PLXNA4: variants seen among roughly 807,000 people sequenced by gnomAD.
PLXNA4 encodes the protein plexin-A4.
A neutral mutation model predicts 191.8 loss-of-function variants in PLXNA4; 44 were observed. The observed-to-expected ratio is 0.23, with a 90% CI of 0.18 to 0.29. The LOEUF (loss-of-function observed/expected upper bound fraction) is 0.29, where lower values mean the gene tolerates loss of function less well. Ranked by LOEUF, PLXNA4 falls within the 10% of genes least tolerant of loss-of-function variation. PLXNA4 has a pLI of 1.00. For missense variants in PLXNA4, 1,800 were observed against 2,488.8 expected, an observed-to-expected ratio of 0.72 and a Z score of 5.89; for synonymous variants, 1,082 against 1,009.5, an observed-to-expected ratio of 1.07 and a Z score of -1.36.
At chr7:132,629,107 C>A (rs749478746) in intron 2 of PLXNA4, among the ~76,000 whole-genome samples, 4 of 152,108 alleles carry the variant, frequency 2.6e-5, no homozygotes, top group Non-Finnish European at 5.9e-5. Context: ...AGTGGTAATA[C>A]CTTTAGATCT....
At chr7:132,449,413 G>C (rs1372651294) in intron 3 of PLXNA4, among the ~76,000 whole-genome samples, 9 of 152,210 alleles carry the variant, frequency 5.9e-5, no homozygotes, top group African/African-American at 2.2e-4. Flanking sequence ...TCCACATTCA[G>C]AAGTGGACTC....
intron 3 of PLXNA4, among the ~76,000 whole-genome samples, chr7:132,444,159 C>T (rs569616045): frequency 2.0e-5 from 3 of 152,386 alleles, no homozygotes; most frequent in African/African-American, 2.4e-5. Context: ...TCCACACTTA[C>T]TCCTGTCCTT....
intron 3 of PLXNA4, among the ~76,000 whole-genome samples, chr7:132,447,625 A>G (rs1795958732): frequency 6.6e-6 from 1 of 152,168 alleles, no homozygotes; most frequent in African/African-American, 2.4e-5. Context: ...TAATCCCCAG[A>G]GGTCATCTAA....
At chr7:132,293,554 C>A (rs1226130278) in intron 4 of PLXNA4, among the ~76,000 whole-genome samples, 2 of 152,164 alleles carry the variant, frequency 1.3e-5, no homozygotes, top group Non-Finnish European at 2.9e-5. Flanking sequence ...ACAGCCAAAC[C>A]ATATCACCTG....
At chr7:132,528,576 T>A (rs145513442) in intron 1 of PLXNA4, among the ~76,000 whole-genome samples, 1 of 152,210 alleles carries the variant, frequency 6.6e-6, no homozygotes, top group East Asian at 1.9e-4. Context: ...TGAATGGGAC[T>A]GAATGAGAAG....
chr7:132,243,635 A>C (rs528031118), intron 4 of PLXNA4, among the ~76,000 whole-genome samples: 2 of 152,276 alleles, frequency 1.3e-5, no homozygotes, highest in East Asian at 3.9e-4. Context: ...CTAGGTTCAA[A>C]TTCTGGCTTA....
chr7:132,251,788 C>A (rs898253193), intron 4 of PLXNA4, among the ~76,000 whole-genome samples: 2 of 152,180 alleles, frequency 1.3e-5, no homozygotes, highest in African/African-American at 4.8e-5. Flanking sequence ...TTCTGGACCA[C>A]AGGAGACTGT....
intron 4 of PLXNA4, among the ~76,000 whole-genome samples, chr7:132,246,031 T>G (rs532102903): frequency 2.6e-5 from 4 of 152,350 alleles, no homozygotes; most frequent in Non-Finnish European, 5.9e-5. Flanking sequence ...TGCACCACAA[T>G]GTGAGTGTAC....
At chr7:132,305,462 G>A in intron 3 of PLXNA4, among the ~76,000 whole-genome samples, 1 of 151,510 alleles carries the variant, frequency 6.6e-6, no homozygotes, top group Non-Finnish European at 1.5e-5. Flanking sequence ...CCTGGCCCGG[G>A]ATCTTCCAAG....
At chr7:132,464,448 C>A (rs1258933504) in intron 3 of PLXNA4, among the ~76,000 whole-genome samples, 1 of 152,162 alleles carries the variant, frequency 6.6e-6, no homozygotes, top group Non-Finnish European at 1.5e-5. Context: ...GTTTTGTGAC[C>A]TTGCCTGAGT....
chr7:132,185,073 CTTG>C (rs1429516771), intron 16 of PLXNA4, among the ~76,000 whole-genome samples: 2 of 152,176 alleles, frequency 1.3e-5, no homozygotes, highest in African/African-American at 4.8e-5. Context: ...AAGGTGGGTT[CTTG>C]TTGTTAGGAG....
intron 2 of PLXNA4, among the ~76,000 whole-genome samples, chr7:132,620,599 T>C (rs755549008): frequency 3.9e-5 from 6 of 152,190 alleles, no homozygotes; most frequent in Non-Finnish European, 7.3e-5. Context: ...TTCCAGACTC[T>C]TCCCTGTGCT....
At chr7:132,366,911 G>T (rs927542295) in intron 3 of PLXNA4, among the ~76,000 whole-genome samples, 4 of 152,120 alleles carry the variant, frequency 2.6e-5, no homozygotes, top group Non-Finnish European at 5.9e-5. Flanking sequence ...ACAGACACTT[G>T]CCACCATCCC....
chr7:132,424,153 C>T (rs1794950612), intron 3 of PLXNA4, among the ~76,000 whole-genome samples: 1 of 152,144 alleles, frequency 6.6e-6, no homozygotes, highest in African/African-American at 2.4e-5. Flanking sequence ...CAGTGACTCC[C>T]CAGCCCCAGG....
intron 23 of PLXNA4, among the ~76,000 whole-genome samples, 187 bp from the exon 24 acceptor site, chr7:132,164,475 T>G (rs1796041280): frequency 6.6e-6 from 1 of 152,210 alleles, no homozygotes; most frequent in Non-Finnish European, 1.5e-5. Flanking sequence ...GCATTCCTCC[T>G]GGCTCTTTGG....
At chr7:132,239,041 A>G (rs1046725896) in intron 5 of PLXNA4, among the ~76,000 whole-genome samples, 13 of 152,322 alleles carry the variant, frequency 8.5e-5, no homozygotes, top group African/African-American at 3.1e-4. Context: ...GCAGGCGCCC[A>G]AAATTCATGT....
At chr7:132,440,648 G>C (rs1795663292) in intron 3 of PLXNA4, among the ~76,000 whole-genome samples, 1 of 151,928 alleles carries the variant, frequency 6.6e-6, no homozygotes, top group Non-Finnish European at 1.5e-5. Flanking sequence ...TTTTTTTTAA[G>C]GGCCCTCCAA....
At chr7:132,567,073 C>T (rs75333352) in intron 1 of PLXNA4, among the ~76,000 whole-genome samples, 5,178 of 152,262 alleles carry the variant, frequency 0.034, 199 homozygotes, top group African/African-American at 0.089. Context: ...TACTCCCACA[C>T]AAACGGATCC....
chr7:132,452,082 T>C (rs1227646386), intron 3 of PLXNA4, among the ~76,000 whole-genome samples: 2 of 152,242 alleles, frequency 1.3e-5, no homozygotes, highest in African/African-American at 4.8e-5. Context: ...TGCCCTTTTC[T>C]TTTGGTTTTA....
Sources: allele counts gnomAD v4.1 joint callset (sites outside exome capture counted in the v4.1 genomes callset), GRCh38; gene constraint gnomAD v4.1.1; transcripts MANE v1.5; gene names NCBI Gene and HGNC (gene_info 2026-07-23, HGNC 2026-07-21).